Variants in AUTS2 observed in about 807,000 individuals in gnomAD.
AUTS2 encodes the protein activator of transcription and developmental regulator AUTS2, also known as autism susceptibility gene 2 protein.
Under a neutral mutation model 112.4 loss-of-function variants are expected in AUTS2, and 17 were observed. The ratio of observed to expected loss-of-function variants is 0.15; its 90% confidence interval spans 0.10 to 0.23. The LOEUF (loss-of-function observed/expected upper bound fraction) is 0.23, where lower values mean the gene tolerates loss of function less well. Among genes scored for constraint, AUTS2 ranks in the 10% least tolerant of loss-of-function variants. The pLI is 1.00. For missense variants in AUTS2, 1,510 were observed against 1,701.6 expected (o/e 0.89, Z 1.98); for synonymous variants, 751 against 702.7 (o/e 1.07, Z -1.09).
intron 5 of AUTS2, among the ~76,000 whole-genome samples, chr7:70,662,516 G>C (rs1189818498): frequency 6.6e-6 from 1 of 152,208 alleles, no homozygotes; most frequent in Non-Finnish European, 1.5e-5. Flanking sequence ...AGTTGTAACT[G>C]TATCTAGGGC....
chr7:70,543,383 G>A (rs765139736), intron 5 of AUTS2, among the ~76,000 whole-genome samples: 7 of 152,030 alleles, frequency 4.6e-5, no homozygotes, highest in East Asian at 1.9e-4. Context: ...CCAGCTACTC[G>A]GGAGGGGTGG....
chr7:70,750,868 G>A (rs1788787813), intron 6 of AUTS2, among the ~76,000 whole-genome samples: 1 of 152,200 alleles, frequency 6.6e-6, no homozygotes, highest in Non-Finnish European at 1.5e-5. Flanking sequence ...GGTCTTTGCT[G>A]CTAGTGGCTT....
At chr7:69,656,960 A>T (rs1416722896) in intron 1 of AUTS2, among the ~76,000 whole-genome samples, 5 of 152,178 alleles carry the variant, frequency 3.3e-5, no homozygotes, top group Admixed American at 2.0e-4. Flanking sequence ...CTTTTGCCAG[A>T]TGAATGGGAG....
At chr7:69,836,784 T>C (rs1791745172) in intron 1 of AUTS2, among the ~76,000 whole-genome samples, 1 of 152,190 alleles carries the variant, frequency 6.6e-6, no homozygotes, top group Non-Finnish European at 1.5e-5. Flanking sequence ...ATTTTCACAG[T>C]AACAATGATA....
At chr7:70,318,527 G>A (rs895320278) in intron 4 of AUTS2, among the ~76,000 whole-genome samples, 2 of 152,126 alleles carry the variant, frequency 1.3e-5, no homozygotes, top group Non-Finnish European at 2.9e-5. Context: ...GGAAAGGCAT[G>A]TTAAGCTGTC....
chr7:70,136,120 G>A (rs1223462613), intron 4 of AUTS2, among the ~76,000 whole-genome samples: 1 of 151,994 alleles, frequency 6.6e-6, no homozygotes, highest in African/African-American at 2.4e-5. Context: ...CTAGTTCCAA[G>A]AATGGTTATT....
chr7:70,151,874 A>AAT (rs1256225632), intron 4 of AUTS2, among the ~76,000 whole-genome samples: 3 of 152,212 alleles, frequency 2.0e-5, no homozygotes, highest in Non-Finnish European at 4.4e-5. Context: ...GAACCAGGAG[A>AAT]ATAAGACCCA....
chr7:70,186,391 A>C (rs1488422954), intron 4 of AUTS2, among the ~76,000 whole-genome samples: 1 of 151,924 alleles, frequency 6.6e-6, no homozygotes, highest in East Asian at 1.9e-4. Context: ...ACATCATTTT[A>C]CTCACGTTAG....
intron 1 of AUTS2, among the ~76,000 whole-genome samples, chr7:69,830,985 G>T (rs1791476661): frequency 6.6e-6 from 1 of 152,132 alleles, no homozygotes; most frequent in South Asian, 2.1e-4. Context: ...AGAGCCAGGA[G>T]ACCTTTATAG....
chr7:69,894,325 G>A (rs566196510), intron 1 of AUTS2, among the ~76,000 whole-genome samples: 139 of 118,242 alleles, frequency 1.2e-3, no homozygotes, highest in African/African-American at 4.3e-3. Context: ...TTCTCTCCTA[G>A]TGCTTGTGTA....
intron 2 of AUTS2, among the ~76,000 whole-genome samples, chr7:69,997,867 T>C (rs139290340): frequency 2.3e-4 from 35 of 152,288 alleles, no homozygotes; most frequent in African/African-American, 8.4e-4. Context: ...CAGGTTGACA[T>C]TATAAATTCA....
At chr7:70,337,897 T>C (rs532223927) in intron 4 of AUTS2, among the ~76,000 whole-genome samples, 10 of 152,358 alleles carry the variant, frequency 6.6e-5, no homozygotes, top group Non-Finnish European at 1.2e-4. Context: ...TTTTCCACAA[T>C]GGGCTTGCAG....
intron 5 of AUTS2, among the ~76,000 whole-genome samples, chr7:70,447,564 C>G (rs144462119): frequency 6.6e-6 from 1 of 152,248 alleles, no homozygotes; most frequent in East Asian, 1.9e-4. Flanking sequence ...CCGAACATGC[C>G]CAGTCTTGCT....
intron 1 of AUTS2, among the ~76,000 whole-genome samples, chr7:69,813,289 G>C (rs1054099384): frequency 2.0e-5 from 3 of 152,180 alleles, no homozygotes; most frequent in Non-Finnish European, 4.4e-5. Context: ...GTGTCACCTT[G>C]TTGGGGAGGT....
intron 5 of AUTS2, among the ~76,000 whole-genome samples, chr7:70,449,924 A>G (rs2131048941): frequency 6.6e-6 from 1 of 152,292 alleles, no homozygotes; most frequent in East Asian, 1.9e-4. Context: ...TAAGACAGCC[A>G]CCTTGAGAGA....
chr7:69,684,399 G>A (rs752420084), intron 1 of AUTS2, among the ~76,000 whole-genome samples: 6 of 152,264 alleles, frequency 3.9e-5, no homozygotes, highest in Non-Finnish European at 2.9e-5. Flanking sequence ...ATGGATCTCT[G>A]CCCCGTTCTG....
intron 4 of AUTS2, among the ~76,000 whole-genome samples, chr7:70,402,017 C>G (rs1216583411): frequency 6.6e-6 from 1 of 152,238 alleles, no homozygotes; most frequent in Middle Eastern, 3.2e-3. Flanking sequence ...TTTGGCCCAG[C>G]ACAGCCAAAT....
intron 1 of AUTS2, among the ~76,000 whole-genome samples, chr7:69,627,133 G>A (rs1245909068): frequency 6.6e-6 from 1 of 152,198 alleles, no homozygotes; most frequent in Non-Finnish European, 1.5e-5. Context: ...ATGGGTTTAT[G>A]TAAATACAGA....
chr7:69,818,050 T>A (rs1254899998), intron 1 of AUTS2, among the ~76,000 whole-genome samples: 1 of 152,106 alleles, frequency 6.6e-6, no homozygotes, highest in Non-Finnish European at 1.5e-5. Flanking sequence ...CTGTCAGAGT[T>A]GAGTTGGCCC....
Sources: allele counts gnomAD v4.1 joint callset (sites outside exome capture counted in the v4.1 genomes callset), GRCh38; gene constraint gnomAD v4.1.1; transcripts MANE v1.5; gene names NCBI Gene and HGNC (gene_info 2026-07-23, HGNC 2026-07-21).